Variants in ASPHD1 observed in about 807,000 individuals in gnomAD.
The protein encoded by ASPHD1 is aspartate beta-hydroxylase domain-containing protein 1.
Under a neutral mutation model 28.3 loss-of-function variants are expected in ASPHD1, and 20 were observed. The observed-to-expected ratio is 0.71, with a 90% confidence interval of 0.50 to 1.03. The LOEUF (loss-of-function observed/expected upper bound fraction) is 1.03, where lower values mean the gene tolerates loss of function less well. Among genes scored for constraint, ASPHD1 ranks in the 50% least tolerant of loss-of-function variants. The pLI, the probability that ASPHD1 is intolerant of heterozygous loss-of-function variation, is 0.00. For missense variants in ASPHD1, 479 were observed against 524.1 expected (o/e 0.91, Z 0.84); for synonymous variants, 240 against 221.2 (o/e 1.08, Z -0.75).
chr16:29,909,173 C>A (rs35691158), downstream of ASPHD1, among the ~76,000 whole-genome samples: 2 of 152,166 alleles, frequency 1.3e-5, no homozygotes, highest in Non-Finnish European at 2.9e-5. Flanking sequence ...CACCTCGCTG[C>A]TGATGCAAAC....
At chr16:29,907,187 A>G, downstream of ASPHD1, 1 of 949,454 alleles carries the variant, frequency 1.1e-6, no homozygotes, top group Non-Finnish European at 1.6e-6. Context: ...GGGCCCCTGC[A>G]CCAACACACC....
At chr16:29,905,703 T>C in intron 2 of ASPHD1, 85 bp from the exon 3 acceptor site, 1 of 790,184 alleles carries the variant, frequency 1.3e-6, no homozygotes, top group Non-Finnish European at 2.1e-6. Flanking sequence ...TTATTTACTG[T>C]TTGCTTTTAT....
chr16:29,905,974 C>A lies in ASPHD1; in HGVS notation c.*77C>A. The A allele has an allele frequency of 1.1e-6, 1 of 907,472 alleles. No homozygotes were observed. 56.2% of individuals were successfully genotyped at this position (907,472 alleles called of 1,614,324 possible). A position where few individuals can be genotyped will look rare whatever the true frequency, so the allele number is the denominator to read the frequency against. ...ACGGCTTGATGGTAGCCAGGACCTC[C>A]TCTCTACTGCGGGGGTGGGCGGGGG... On this transcript the variant is annotated 3_prime_UTR_variant, in exon 3 of 3. Transcript: ENST00000308748.
chr16:29,912,737 G>A (rs990048056), intron 3 of ASPHD1, among the ~76,000 whole-genome samples: 15 of 152,208 alleles, frequency 9.9e-5, no homozygotes, highest in Non-Finnish European at 1.9e-4. Flanking sequence ...ACTGCACCAG[G>A]CCTATCAGTT....
intron 2 of ASPHD1, chr16:29,905,203 C>A: frequency 2.4e-6 from 1 of 416,032 alleles, no homozygotes; most frequent in Non-Finnish European, 4.3e-6. Context: ...CGGTTACCAG[C>A]ACAGGACTCT....
chr16:29,911,792 G>C, intron 3 of ASPHD1: 1 of 1,611,852 alleles, frequency 6.2e-7, no homozygotes. Flanking sequence ...GTCCCGCCCA[G>C]TGCCCCGCAC....
At position 29,900,571 on chromosome 16, in the gene ASPHD1, G is replaced by C; in HGVS notation, c.-401G>C. ...CCGGGAAGGAGTGACGTCAGGGTGA[G>C]TGGGAGCCCAGGAAGGAGCGAGTAG... On this transcript the variant is annotated 5_prime_UTR_variant, in exon 1 of 3. Transcript: ENST00000308748. The C allele has an allele frequency of 4.5e-6, 1 of 222,414 alleles. No homozygotes were observed. Among genetic ancestry groups the C allele is most frequent in the South Asian group, 6.8e-5 (1 of 14,604 alleles). The allele number at this position is 222,414 out of a possible 1,614,324, so 13.8% of individuals were successfully genotyped here.
chr16:29,900,779 GGA>G lies in ASPHD1; in HGVS notation c.-185_-184del. On this transcript the variant is annotated 5_prime_UTR_variant, in exon 1 of 3. Coordinates refer to ENST00000308748, the MANE Select transcript of ASPHD1 (RefSeq NM_181718.4). ...GCCCAGGGGAGCTAGGAGGAAGCGG[GGA>G]GAGAGAGCGAGCGAAAAGCGGGGGT... 2 of 619,424 alleles carry G rather than the reference GGA, an allele frequency of 3.2e-6. No homozygotes were observed. Among genetic ancestry groups the G allele is most frequent in the South Asian group, 2.0e-5 (1 of 49,858 alleles). 38.4% of individuals were successfully genotyped at this position (619,424 alleles called of 1,614,324 possible). A position where few individuals can be genotyped will look rare whatever the true frequency, so the allele number is the denominator to read the frequency against.
At chr16:29,906,613 G>A (rs2068617902), downstream of ASPHD1, 1 of 649,922 alleles carries the variant, frequency 1.5e-6, no homozygotes, top group Non-Finnish European at 2.9e-6. Flanking sequence ...ACCAGCTGGA[G>A]AGGGAAGGAC....
downstream of ASPHD1, chr16:29,907,158 AG>A: frequency 7.4e-7 from 1 of 1,349,396 alleles, no homozygotes; most frequent in Non-Finnish European, 1.0e-6. Context: ...GCAGTCACGC[AG>A]GGCCATCCCC....
At position 29,915,516 on chromosome 16, in the gene ASPHD1, G is replaced by T. The variant is rs543000499; in HGVS notation, c.*63-4015G>T. On this transcript the variant is annotated intron_variant and NMD_transcript_variant, in intron 3 of 3. Transcript: ENST00000414952. Reference sequence around the variant, plus strand: ...AAAATACAAAAATTAGCTGGGCGTGGTGGTGGGCACCTGTAATCGCAGCTA... The same window carrying T: ...AAAATACAAAAATTAGCTGGGCGTGTTGGTGGGCACCTGTAATCGCAGCTA... 2.8e-3 allele frequency among the ~76,000 whole-genome samples: 428 copies of T among 151,990 alleles called. 2 individuals are homozygous for T. Among genetic ancestry groups the T allele is most frequent in the Non-Finnish European group, 4.6e-3 (315 of 67,976 alleles).
rs529262942 is a variant in ASPHD1 at position 29,913,213 on chromosome 16, C to T, written c.*63-6318C>T. On this transcript the variant is annotated intron_variant and NMD_transcript_variant, in intron 3 of 3. Coordinates refer to the ASPHD1 transcript ENST00000414952. Reference sequence around the variant, plus strand: ...CCACAGCTTACAGCAGCCTTGACCTCCTGGGCTCAAGCCATCCTCCCAAAC... The same window carrying T: ...CCACAGCTTACAGCAGCCTTGACCTTCTGGGCTCAAGCCATCCTCCCAAAC... 2.7e-5 allele frequency: 4 copies of T among 150,566 alleles called. No individual in the cohort carries two copies. The East Asian group carries it at 5.9e-4, about 22-fold the overall frequency. 9.3% of individuals were successfully genotyped at this position (150,566 alleles called of 1,614,324 possible).
chr16:29,909,551 G>C (rs1188642271), downstream of ASPHD1, among the ~76,000 whole-genome samples: 2 of 152,170 alleles, frequency 1.3e-5, no homozygotes, highest in Non-Finnish European at 2.9e-5. Context: ...ACTTAGCACA[G>C]AGCAGGGGCT....
Position 29,901,644 on chromosome 16 carries a change from G to T in ASPHD1, c.673G>T (p.Gly225Trp). The T allele has an allele frequency of 6.3e-7, 1 of 1,577,416 alleles. No individual in the cohort carries two copies. Among genetic ancestry groups the T allele is most frequent in the Non-Finnish European group, 8.6e-7 (1 of 1,169,180 alleles). Reference protein sequence around the residue: ...SSFPAILRDFGAVSWDFSGTT... With the variant: ...SSFPAILRDFWAVSWDFSGTT... ...CTTCCCTGCCATTTTGCGGGACTTC[G>T]GGGCTGTGAGCTGGGACTTCTCAGG... The change falls in exon 1 of 3, where the codon GGG becomes TGG. Residue 225 changes from glycine (G) to tryptophan (W), a missense_variant. By Grantham distance (184) the Gly-to-Trp change is radical. Coordinates refer to ENST00000308748, the MANE Select transcript of ASPHD1 (RefSeq NM_181718.4). This position sits in a 1 kb window ranked among gnomAD's most constrained non-coding sequence, Gnocchi z 5.1.
In ASPHD1 at chr16:29,905,769, C is replaced by T. The variant is rs780675753; in HGVS notation, c.1064-19C>T. On this transcript the variant is annotated intron_variant, in intron 2 of 2. Coordinates refer to ENST00000308748, the MANE Select transcript of ASPHD1 (RefSeq NM_181718.4). Reference sequence around the variant, plus strand: ...ACCTAATGTCAGTGGCTCTGCTGTTCCTGTCCCATGTGCCCTAGGCTCCCC... The same window carrying T: ...ACCTAATGTCAGTGGCTCTGCTGTTTCTGTCCCATGTGCCCTAGGCTCCCC... The T allele has an allele frequency of 3.1e-6, 5 of 1,596,520 alleles. No homozygotes were observed. The East Asian group carries it at 1.1e-4, about 36-fold the overall frequency.
rs1567437143 is a variant in ASPHD1, at chr16:29,905,885, C to T, written c.1161C>T (p.Ala387=). The T allele has an allele frequency of 6.2e-7, 1 of 1,612,978 alleles. No individual in the cohort carries two copies. Among genetic ancestry groups the T allele is most frequent in the Admixed American group, 1.7e-5 (1 of 59,934 alleles). The change falls in exon 3 of 3, where the codon GCC becomes GCT. Residue 387 remains alanine (A), a synonymous_variant. Coordinates refer to ENST00000308748, the MANE Select transcript of ASPHD1 (RefSeq NM_181718.4). The part of the protein sequence containing the change: ...AERQALDFVF[A]PDP ...GCCAGGCCCTCGACTTTGTCTTCGCCCCAGACCCTTGAAGGAAGGTGCTCC... is the reference window on the plus strand; with the variant it reads ...GCCAGGCCCTCGACTTTGTCTTCGCTCCAGACCCTTGAAGGAAGGTGCTCC...
chr16:29,911,356 T>C (rs2068705509), intron 3 of ASPHD1: 1 of 607,610 alleles, frequency 1.6e-6, no homozygotes, highest in Non-Finnish European at 2.9e-6. Context: ...CCACATGCGC[T>C]GAGCAAATCC....
chr16:29,911,859 C>T (rs767101569), intron 3 of ASPHD1: 6 of 1,612,278 alleles, frequency 3.7e-6, no homozygotes, highest in South Asian at 2.2e-5. Flanking sequence ...GCAGGAGCTT[C>T]ACCACGGGCT....
intron 3 of ASPHD1, among the ~76,000 whole-genome samples, chr16:29,912,922 G>T (rs1009655036): frequency 2.6e-5 from 4 of 152,224 alleles, no homozygotes; most frequent in African/African-American, 9.7e-5. Flanking sequence ...TGACGTTGGA[G>T]AAAGAAATCT....
Sources: allele counts gnomAD v4.1 joint callset (sites outside exome capture counted in the v4.1 genomes callset), GRCh38; gene constraint gnomAD v4.1.1; non-coding constraint Gnocchi (gnomAD v3.1); transcripts MANE v1.5; gene names NCBI Gene and HGNC (gene_info 2026-07-23, HGNC 2026-07-21).